The following TMEM243 variants were observed in gnomAD, a reference collection of about 807,000 sequenced individuals.
The protein encoded by TMEM243 is MDR1 and mitochondrial taxol resistance associated.
TMEM243 carries 20 observed loss-of-function variants against 15.0 expected under a neutral mutation model. The observed-to-expected ratio is 1.33, with a 90% CI of 0.94 to 1.93. The LOEUF (loss-of-function observed/expected upper bound fraction) is 1.93, where lower values mean the gene tolerates loss of function less well. Ranked by LOEUF, TMEM243 falls within the 30% of genes most tolerant of loss-of-function variation. The pLI is 0.00. For synonymous variants in TMEM243, 72 were observed against 52.7 expected, an observed-to-expected ratio of 1.37 and a Z score of -1.59; for missense variants, 156 against 142.1, an observed-to-expected ratio of 1.10 and a Z score of -0.50.
intron 1 of TMEM243, among the ~76,000 whole-genome samples, chr7:87,201,915 C>G (rs1326315925): frequency 6.6e-6 from 1 of 152,166 alleles, no homozygotes; most frequent in Non-Finnish European, 1.5e-5. Flanking sequence ...TGGCAATTAG[C>G]CTGGATCCTT....
Position 87,197,688 on chromosome 7 carries a change from ATTTTTTT to A in TMEM243, c.234+246_234+252del, listed in dbSNP as rs71906317. The A allele has an allele frequency of 7.4e-5, 73 of 982,096 alleles. 1 individual carries two copies. The highest frequency in any genetic ancestry group is 9.0e-5 in the Non-Finnish European group (69 of 766,674). 60.8% of individuals were successfully genotyped at this position (982,096 alleles called of 1,614,324 possible). On this transcript the variant is annotated intron_variant, in intron 3 of 3. Transcript: ENST00000257637. ...TTTGGCCACCTACGTCTTTCCACTA[ATTTTTTT>A]TTTTTTTTTTTTTTTTTTTTTAAGC...
chr7:87,210,259 T>G (rs1200688510), intron 1 of TMEM243, among the ~76,000 whole-genome samples: 1 of 152,032 alleles, frequency 6.6e-6, no homozygotes, highest in Admixed American at 6.5e-5. Flanking sequence ...GACATGAGAT[T>G]TGGGTAAGGA....
At chr7:87,215,578 C>T (rs1014883303) in intron 1 of TMEM243, among the ~76,000 whole-genome samples, 1 of 152,114 alleles carries the variant, frequency 6.6e-6, no homozygotes, top group African/African-American at 2.4e-5. Flanking sequence ...TACTGGACAG[C>T]ACTCTTTTAG....
chr7:87,200,322 C>G (rs1277615061), intron 1 of TMEM243, among the ~76,000 whole-genome samples: 1 of 152,182 alleles, frequency 6.6e-6, no homozygotes, highest in Non-Finnish European at 1.5e-5. Context: ...GAAGCCTACA[C>G]AGCACACAGG....
At chr7:87,205,914 G>C (rs1479114507) in intron 1 of TMEM243, among the ~76,000 whole-genome samples, 4 of 151,970 alleles carry the variant, frequency 2.6e-5, no homozygotes. Flanking sequence ...CCCACTCCTG[G>C]TACCAATTTA....
Position 87,196,629 on chromosome 7 carries a change from G to GGCAGCCTCACCTTCCCACATCA in TMEM243, c.342_*6dup, listed in dbSNP as rs780921246. The GGCAGCCTCACCTTCCCACATCA allele has an allele frequency of 6.2e-7, 1 of 1,607,174 alleles. No individual in the cohort carries two copies. The highest frequency in any genetic ancestry group is 8.5e-7 in the Non-Finnish European group (1 of 1,177,166). On this transcript the variant is annotated 3_prime_UTR_variant, in exon 4 of 4. Coordinates refer to ENST00000257637, the MANE Select transcript of TMEM243 (RefSeq NM_024315.4). ...AGAGTCCTGGTAAGTACTTCTCCTTGGCAGCCTCACCTTCCCACATCATGG... is the reference window on the plus strand; with the variant it reads ...AGAGTCCTGGTAAGTACTTCTCCTTGGCAGCCTCACCTTCCCACATCAGCAGCCTCACCTTCCCACATCATGG...
chr7:87,202,222 G>T (rs921593588), intron 1 of TMEM243, among the ~76,000 whole-genome samples: 8 of 152,162 alleles, frequency 5.3e-5, no homozygotes, highest in African/African-American at 1.9e-4. Flanking sequence ...TAAGAAGACA[G>T]AAAGTGAGCT....
At chr7:87,203,942 A>G (rs984950360) in intron 1 of TMEM243, among the ~76,000 whole-genome samples, 1 of 152,204 alleles carries the variant, frequency 6.6e-6, no homozygotes, top group African/African-American at 2.4e-5. Flanking sequence ...AATTTTGACT[A>G]CTCATCTGTA....
chr7:87,218,522 A>T (rs1406908486), intron 1 of TMEM243: 1 of 151,618 alleles, frequency 6.6e-6, no homozygotes, highest in Non-Finnish European at 1.5e-5. Flanking sequence ...GAAGCTCTGG[A>T]CTCTACACGT....
chr7:87,203,744 T>G (rs904015363), intron 1 of TMEM243, among the ~76,000 whole-genome samples: 2 of 152,094 alleles, frequency 1.3e-5, no homozygotes, highest in African/African-American at 4.8e-5. Flanking sequence ...GCATACTGGA[T>G]AGAGTCAAAA....
intron 1 of TMEM243, among the ~76,000 whole-genome samples, chr7:87,206,394 T>A (rs1186598745): frequency 6.6e-6 from 1 of 152,270 alleles, no homozygotes; most frequent in African/African-American, 2.4e-5. Context: ...CAAAATGTAT[T>A]GCTTGTGTCC....
At chr7:87,198,745 G>A in intron 2 of TMEM243, 1 of 489,332 alleles carries the variant, frequency 2.0e-6, no homozygotes, top group Non-Finnish European at 3.6e-6. Flanking sequence ...GTGGCTACTA[G>A]CCACTGACAT....
intron 1 of TMEM243, among the ~76,000 whole-genome samples, chr7:87,206,288 T>C (rs1425704119): frequency 2.0e-5 from 3 of 152,144 alleles, no homozygotes; most frequent in Non-Finnish European, 2.9e-5. Context: ...AACTCAACAC[T>C]ATCAACTTCA....
In TMEM243 at chr7:87,219,353, A is replaced by C. The variant is rs185895164; in HGVS notation, c.78+73T>G. Reference sequence around the variant, plus strand: ...GCTTTTAGGAGCCGCAGAAAGACGCAGCCCGGACTCCGCCAGAGGGCAGGC... The same window carrying C: ...GCTTTTAGGAGCCGCAGAAAGACGCCGCCCGGACTCCGCCAGAGGGCAGGC... On this transcript the variant is annotated intron_variant, in intron 1 of 3. Coordinates refer to ENST00000257637, the MANE Select transcript of TMEM243 (RefSeq NM_024315.4). The C allele has an allele frequency of 2.3e-4, 342 of 1,466,920 alleles. 1 individual carries two copies. The African/African-American group carries it at 4.2e-3, about 18-fold the overall frequency. The allele number at this position is 1,466,920 out of a possible 1,614,324, so 90.9% of individuals were successfully genotyped here. A position where few individuals can be genotyped will look rare whatever the true frequency, so the allele number is the denominator to read the frequency against.
At chr7:87,212,655 T>C (rs2190424) in intron 1 of TMEM243, among the ~76,000 whole-genome samples, 128,376 of 152,206 alleles carry the variant, frequency 0.84, 54,359 homozygotes, top group Middle Eastern at 0.96. Flanking sequence ...TGAAGCACCA[T>C]TTCCTGTTTT....
chr7:87,203,567 A>T (rs1362650514), intron 1 of TMEM243, among the ~76,000 whole-genome samples: 1 of 151,950 alleles, frequency 6.6e-6, no homozygotes, highest in East Asian at 1.9e-4. Context: ...GTGAGCAAGG[A>T]TCACGCCACT....
intron 1 of TMEM243, among the ~76,000 whole-genome samples, chr7:87,215,988 G>A (rs182420741): frequency 6.6e-6 from 1 of 152,144 alleles, no homozygotes; most frequent in African/African-American, 2.4e-5. Context: ...AAATTAAAAA[G>A]GGCCAGGCGT....
chr7:87,209,722 G>GCGAGACAC (rs1562885236), intron 1 of TMEM243, among the ~76,000 whole-genome samples: 2 of 138,186 alleles, frequency 1.4e-5, no homozygotes, highest in African/African-American at 5.6e-5. Context: ...GAGACACAGT[G>GCGAGACAC]AGAGCGAGAC....
chr7:87,209,798 C>CAGTG (rs1362158123), intron 1 of TMEM243, among the ~76,000 whole-genome samples: 52 of 86,866 alleles, frequency 6.0e-4, no homozygotes, highest in African/African-American at 2.4e-3. Flanking sequence ...GAGAGCGAGA[C>CAGTG]AGAGCGAGAG....
Sources: allele counts gnomAD v4.1 joint callset (sites outside exome capture counted in the v4.1 genomes callset), GRCh38; gene constraint gnomAD v4.1.1; transcripts MANE v1.5; gene names NCBI Gene and HGNC (gene_info 2026-07-23, HGNC 2026-07-21).